The following CALN1 variants were observed in gnomAD, a reference collection of about 807,000 sequenced individuals.
CALN1 encodes calneuron 1.
A neutral mutation model predicts 30.6 loss-of-function variants in CALN1; 17 were observed. The observed-to-expected ratio is 0.56, with a 90% CI of 0.38 to 0.83. The LOEUF is 0.83. CALN1 is among the 40% of genes least tolerant of loss of function. CALN1 has a pLI of 0.00. For missense variants in CALN1, 291 were observed against 354.9 expected (o/e 0.82, Z 1.45); for synonymous variants, 156 against 131.4 (o/e 1.19, Z -1.28).
chr7:72,285,308 G>A (rs766309136), intron 2 of CALN1, among the ~76,000 whole-genome samples: 3 of 152,212 alleles, frequency 2.0e-5, no homozygotes, highest in South Asian at 2.1e-4. Context: ...GCAGTGGCAC[G>A]ATCTCAGCCA....
intron 5 of CALN1, among the ~76,000 whole-genome samples, chr7:71,841,371 A>T (rs557709622): frequency 1.3e-4 from 20 of 152,328 alleles, no homozygotes; most frequent in African/African-American, 4.8e-4. Context: ...CCATCCGTTC[A>T]TGCCTGCAAA....
chr7:72,483,856 A>G, the CALN1 span, among the ~76,000 whole-genome samples: 1 of 150,894 alleles, frequency 6.6e-6, no homozygotes, highest in African/African-American at 2.4e-5. Context: ...TTTATTCTGA[A>G]ATATTTGATT....
intron 3 of CALN1, among the ~76,000 whole-genome samples, chr7:72,158,648 A>G (rs1787890509): frequency 6.6e-6 from 1 of 152,060 alleles, no homozygotes; most frequent in African/African-American, 2.4e-5. Flanking sequence ...ACACAGCAAG[A>G]CACATCCCTC....
intron 3 of CALN1, among the ~76,000 whole-genome samples, chr7:72,148,392 AC>A (rs1334613476): frequency 6.6e-6 from 1 of 150,574 alleles, no homozygotes; most frequent in Non-Finnish European, 1.5e-5. Context: ...ACATAGCAAG[AC>A]CCCATCTCTA....
intron 5 of CALN1, among the ~76,000 whole-genome samples, chr7:71,952,633 G>A (rs754190260): frequency 2.0e-5 from 3 of 152,136 alleles, no homozygotes; most frequent in Non-Finnish European, 4.4e-5. Context: ...CATGACCCAA[G>A]AAAGCTAGTG....
chr7:72,217,565 G>T (rs552731190), intron 3 of CALN1, among the ~76,000 whole-genome samples: 49 of 152,260 alleles, frequency 3.2e-4, no homozygotes, highest in Non-Finnish European at 5.6e-4. Context: ...AAATGGGCCA[G>T]AAAGCTACAT....
intron 5 of CALN1, among the ~76,000 whole-genome samples, chr7:71,932,733 A>G (rs1380492253): frequency 6.6e-6 from 1 of 150,938 alleles, no homozygotes; most frequent in Non-Finnish European, 1.5e-5. Flanking sequence ...GGAGAATGGC[A>G]TGAACCCGGG....
chr7:72,227,334 G>A (rs1398363542), intron 3 of CALN1, among the ~76,000 whole-genome samples: 3 of 151,836 alleles, frequency 2.0e-5, no homozygotes, highest in Non-Finnish European at 4.4e-5. Context: ...AAGGTCAGGA[G>A]TTCAAGACCG....
chr7:71,885,504 T>C (rs906408168), intron 5 of CALN1, among the ~76,000 whole-genome samples: 1 of 152,232 alleles, frequency 6.6e-6, no homozygotes, highest in Non-Finnish European at 1.5e-5. Flanking sequence ...CCCTTTAAGA[T>C]GTATAAAACA....
chr7:72,206,739 A>G (rs544943242), intron 3 of CALN1, among the ~76,000 whole-genome samples: 20 of 152,230 alleles, frequency 1.3e-4, no homozygotes, highest in Non-Finnish European at 2.6e-4. Flanking sequence ...TTCTTGAAGA[A>G]TATGTTTATC....
chr7:71,930,181 A>C (rs531251689), intron 5 of CALN1, among the ~76,000 whole-genome samples: 8 of 152,314 alleles, frequency 5.3e-5, no homozygotes, highest in African/African-American at 1.9e-4. Flanking sequence ...TTTGACCTAT[A>C]GTTATTTGAA....
chr7:71,979,792 T>A (rs1336376378), intron 5 of CALN1, among the ~76,000 whole-genome samples: 1 of 152,098 alleles, frequency 6.6e-6, no homozygotes, highest in African/African-American at 2.4e-5. Flanking sequence ...TCTCATGTCT[T>A]CTGCTAGCAT....
chr7:72,061,527 A>T (rs1355942958), intron 4 of CALN1, among the ~76,000 whole-genome samples: 1 of 152,012 alleles, frequency 6.6e-6, no homozygotes, highest in African/African-American at 2.4e-5. Context: ...AACTAAAAAA[A>T]AAAAAACAGT....
At chr7:72,201,930 G>A (rs888442849) in intron 3 of CALN1, among the ~76,000 whole-genome samples, 7 of 152,062 alleles carry the variant, frequency 4.6e-5, no homozygotes, top group South Asian at 4.2e-4. Flanking sequence ...AACTACGTCC[G>A]GACAGACCTT....
intron 6 of CALN1, among the ~76,000 whole-genome samples, chr7:71,800,037 T>C (rs1410712588): frequency 6.6e-6 from 1 of 152,172 alleles, no homozygotes; most frequent in Non-Finnish European, 1.5e-5. Context: ...TTTATTTAGA[T>C]GGGCATGAGA....
chr7:71,861,951 C>T (rs2116668142), intron 5 of CALN1, among the ~76,000 whole-genome samples: 1 of 152,194 alleles, frequency 6.6e-6, no homozygotes, highest in South Asian at 2.1e-4. Context: ...CTTGACCATC[C>T]AAGACAGGCA....
chr7:72,337,013 G>T (rs1004751531), intron 2 of CALN1: 4 of 985,558 alleles, frequency 4.1e-6, no homozygotes, highest in Non-Finnish European at 4.8e-6. Flanking sequence ...CTCGTCTGGG[G>T]ACGTGTGCCC....
chr7:72,456,258 C>T, the CALN1 span, among the ~76,000 whole-genome samples: 11 of 151,128 alleles, frequency 7.3e-5, no homozygotes, highest in African/African-American at 2.4e-4. Flanking sequence ...CTTGGTGGGT[C>T]GCACCTATAA....
At chr7:72,021,871 T>C (rs1020141400) in intron 5 of CALN1, among the ~76,000 whole-genome samples, 5 of 152,152 alleles carry the variant, frequency 3.3e-5, no homozygotes, top group African/African-American at 9.7e-5. Flanking sequence ...GCATGTCCAA[T>C]TGAGGATTCA....
Sources: gnomAD v4.1 joint callset for allele counts (sites outside exome capture counted in the v4.1 genomes callset) on GRCh38, gnomAD v4.1.1 for gene constraint, MANE v1.5 for transcripts, NCBI Gene and HGNC (gene_info 2026-07-23, HGNC 2026-07-21) for gene names.